Variants in CSNK1A1 observed in about 807,000 individuals in gnomAD.
The protein encoded by CSNK1A1 is casein kinase 1 alpha 1.
A neutral mutation model predicts 46.1 loss-of-function variants in CSNK1A1; 7 were observed. The ratio of observed to expected loss-of-function variants is 0.15; its 90% CI spans 0.09 to 0.29. The LOEUF (loss-of-function observed/expected upper bound fraction) is 0.29. Among genes scored for constraint, CSNK1A1 ranks in the 10% least tolerant of loss-of-function variants. The probability of loss-of-function intolerance (pLI) is 1.00; values close to 1 mark genes in which losing one functional copy is unlikely to be tolerated. For missense variants in CSNK1A1, 96 were observed against 417.1 expected (o/e 0.23, Z 6.71); for synonymous variants, 137 against 141.5 (o/e 0.97, Z 0.23).
chr5:149,511,044 C>T (rs1330053242), intron 6 of CSNK1A1, among the ~76,000 whole-genome samples: 1 of 152,132 alleles, frequency 6.6e-6, no homozygotes, highest in Non-Finnish European at 1.5e-5. Context: ...ATTTAGGACA[C>T]ACCAACAGTG....
In CSNK1A1 at chr5:149,551,334, C is replaced by G; in HGVS notation, c.-370G>C. ...TGCCGCCGGCTCCGGCCCAGAGGGA[C>G]CCCTGTCACTCCGCGGACGACGCCA... is the stretch of plus-strand genomic sequence containing the variant. On this transcript the variant is annotated 5_prime_UTR_variant, in exon 1 of 10. Coordinates refer to ENST00000377843, the MANE Select transcript of CSNK1A1 (RefSeq NM_001892.6). The G allele has an allele frequency of 4.6e-6, 1 of 216,022 alleles. No homozygotes were observed. Among genetic ancestry groups the G allele is most frequent in the South Asian group, 5.9e-5 (1 of 16,962 alleles). The allele number at this position is 216,022 out of a possible 1,614,324, so 13.4% of individuals were successfully genotyped here.
intron 2 of CSNK1A1, among the ~76,000 whole-genome samples, chr5:149,533,510 G>A (rs1451575154): frequency 6.6e-6 from 1 of 152,142 alleles, no homozygotes; most frequent in Non-Finnish European, 1.5e-5. Flanking sequence ...TTGGTATAGT[G>A]TGTAAGATCA....
intron 2 of CSNK1A1, among the ~76,000 whole-genome samples, chr5:149,540,003 C>T (rs1205988734): frequency 2.0e-5 from 3 of 152,118 alleles, no homozygotes; most frequent in Non-Finnish European, 4.4e-5. Context: ...ACCAATTATT[C>T]CCTTATTTCA....
At position 149,517,557 on chromosome 5, in the gene CSNK1A1, T is replaced by C; in HGVS notation, c.456+2733A>G. Among the ~76,000 whole-genome samples the C allele has an allele frequency of 6.6e-6, 1 of 152,192 alleles. No individual in the cohort carries two copies. The highest frequency in any genetic ancestry group is 1.9e-4 in the East Asian group (1 of 5,200). ...GTATGTTAGAGAGCTAAACATAATA[T>C]CCTATTTTCATTTAGCTTTTTTCTA... is the stretch of plus-strand genomic sequence containing the variant. On this transcript the variant is annotated intron_variant, in intron 4 of 9. Coordinates refer to ENST00000377843, the MANE Select transcript of CSNK1A1 (RefSeq NM_001892.6). The surrounding 1 kb of genome is among the most constrained non-coding windows in gnomAD (Gnocchi z 4.4).
Position 149,495,744 on chromosome 5 carries a change from T to TAAAAAAAAAAAAAAAAAAAAAAAA in CSNK1A1, c.*1108_*1109insTTTTTTTTTTTTTTTTTTTTTTTT. The TAAAAAAAAAAAAAAAAAAAAAAAA allele has an allele frequency of 1.1e-5, 1 of 92,770 alleles. No individual in the cohort carries two copies. Among genetic ancestry groups the TAAAAAAAAAAAAAAAAAAAAAAAA allele is most frequent in the Non-Finnish European group, 2.2e-5 (1 of 45,086 alleles). 5.7% of individuals were successfully genotyped at this position (92,770 alleles called of 1,614,324 possible). ...TACTAGATATTGTGCCTGCAAGTCA[T>TAAAAAAAAAAAAAAAAAAAAAAAA]AAAAAAAAAAAAAAAAAAAGAAAAA... On this transcript the variant is annotated 3_prime_UTR_variant, in exon 10 of 10. Coordinates refer to ENST00000377843, the MANE Select transcript of CSNK1A1 (RefSeq NM_001892.6).
intron 4 of CSNK1A1, among the ~76,000 whole-genome samples, chr5:149,514,073 G>C (rs1761322251): frequency 6.6e-6 from 1 of 152,074 alleles, no homozygotes; most frequent in Non-Finnish European, 1.5e-5. Flanking sequence ...TTATACAAAT[G>C]GGTCAGGTTA....
intron 6 of CSNK1A1, among the ~76,000 whole-genome samples, chr5:149,510,934 C>T (rs1454851639): frequency 6.6e-6 from 1 of 152,166 alleles, no homozygotes; most frequent in African/African-American, 2.4e-5. Context: ...TTAGATAAAG[C>T]TACCCACCCA....
In CSNK1A1 at chr5:149,517,143, T is replaced by C. The variant is rs1761427266; in HGVS notation, c.456+3147A>G. Among the ~76,000 whole-genome samples, 3 of 152,216 alleles carry C rather than the reference T, an allele frequency of 2.0e-5. No homozygotes were observed. Among genetic ancestry groups the C allele is most frequent in the Admixed American group, 2.0e-4 (3 of 15,288 alleles). On this transcript the variant is annotated intron_variant, in intron 4 of 9. Coordinates refer to ENST00000377843, the MANE Select transcript of CSNK1A1 (RefSeq NM_001892.6). The surrounding 1 kb of genome is among the most constrained non-coding windows in gnomAD (Gnocchi z 4.4). ...AAAAACTAAATTTAATATATTTCAA[T>C]GTATTACTAATGGTAATCTACCATA...
chr5:149,503,998 G>T (rs1580820175), intron 9 of CSNK1A1: 1 of 985,396 alleles, frequency 1.0e-6, no homozygotes, highest in Non-Finnish European at 1.2e-6. Flanking sequence ...ACTCTGTTTG[G>T]TCTTACCTAA....
rs1287898406 is a variant in CSNK1A1 at position 149,525,048 on chromosome 5, G to A, written c.354C>T (p.Asp118=). 1.2e-6 allele frequency: 2 copies of A among 1,609,018 alleles called. No individual in the cohort carries two copies. Among genetic ancestry groups the A allele is most frequent in the Middle Eastern group, 1.7e-4 (1 of 6,048 alleles). The change falls in exon 3 of 10, where the codon GAC becomes GAT. Residue 118 remains aspartate, a synonymous_variant. Transcript: ENST00000377843. This position sits in a 1 kb window ranked among gnomAD's most constrained non-coding sequence, Gnocchi z 4.2. ...TTCTAATCAAAATTTCACATACCTG[G>A]TCAGCTAACATAAGTACAGTTTTCA... The part of the protein sequence containing the change: ...FTMKTVLMLA[D]QMISRIEYVH...
At chr5:149,505,099 G>T in intron 9 of CSNK1A1, 1 of 1,002,926 alleles carries the variant, frequency 1.0e-6, no homozygotes. Context: ...CTAGGATTTT[G>T]GATTGATTGA....
At chr5:149,543,468 T>C (rs1176332476) in intron 2 of CSNK1A1, among the ~76,000 whole-genome samples, 1 of 152,044 alleles carries the variant, frequency 6.6e-6, no homozygotes. Context: ...TCTCGTGATC[T>C]GTGACGTACG....
chr5:149,548,248 T>C (rs1477573367), intron 2 of CSNK1A1, among the ~76,000 whole-genome samples: 1 of 151,986 alleles, frequency 6.6e-6, no homozygotes, highest in Non-Finnish European at 1.5e-5. Context: ...ATTCAAGACA[T>C]GAAAAATACA....
chr5:149,516,720 T>C (rs1306360252), intron 4 of CSNK1A1, among the ~76,000 whole-genome samples: 1 of 152,158 alleles, frequency 6.6e-6, no homozygotes, highest in Admixed American at 6.6e-5. Flanking sequence ...ATCTACTGTC[T>C]TCCCCCCACC....
intron 2 of CSNK1A1, among the ~76,000 whole-genome samples, chr5:149,548,435 T>C (rs1762547564): frequency 6.7e-6 from 1 of 150,246 alleles, no homozygotes; most frequent in Admixed American, 6.7e-5. Context: ...GGCGTAGTAG[T>C]GCAGCTCTGC....
Position 149,551,294 on chromosome 5 carries a change from TACCGCTGCCACCACTGCCGCCGGC to T in CSNK1A1, c.-354_-331del. 3.9e-6 allele frequency: 1 copy of T among 255,944 alleles called. No individual in the cohort carries two copies. The highest frequency in any genetic ancestry group is 4.5e-5 in the South Asian group (1 of 22,060). 15.9% of individuals were successfully genotyped at this position (255,944 alleles called of 1,614,324 possible). A position where few individuals can be genotyped will look rare whatever the true frequency, so the allele number is the denominator to read the frequency against. On this transcript the variant is annotated 5_prime_UTR_variant, in exon 1 of 10. Coordinates refer to ENST00000377843, the MANE Select transcript of CSNK1A1 (RefSeq NM_001892.6). ...GGGGCGCGGTGAGCTAGGGCGGCGA[TACCGCTGCCACCACTGCCGCCGGC>T]TCCGGCCCAGAGGGACCCCTGTCAC...
rs1762328795 is a variant in CSNK1A1, at chr5:149,542,661, TA to T, written c.230+7413del. 1.3e-3 allele frequency among the ~76,000 whole-genome samples: 15 copies of T among 11,454 alleles called. 1 individual carries two copies. The highest frequency in any genetic ancestry group is 1.6e-3 in the Non-Finnish European group (11 of 6,748). The allele number at this position is 11,454 out of a possible 152,430, so 7.5% of individuals were successfully genotyped here. ...ATATGTATATATATATATATATATA[TA>T]TATATATATGTATATATATATATAT... On this transcript the variant is annotated intron_variant, in intron 2 of 9. Transcript: ENST00000377843.
chr5:149,535,191 C>T (rs143410608), intron 2 of CSNK1A1, among the ~76,000 whole-genome samples: 36 of 152,282 alleles, frequency 2.4e-4, no homozygotes, highest in African/African-American at 9.6e-5. Flanking sequence ...TTCAACAGCC[C>T]ATTATCCTGA....
At chr5:149,522,308 G>A (rs887659563) in intron 3 of CSNK1A1, among the ~76,000 whole-genome samples, 29 of 151,802 alleles carry the variant, frequency 1.9e-4, no homozygotes, top group Non-Finnish European at 3.5e-4. Context: ...GGGGGGTATC[G>A]TTATGTTGCC....
Sources: gnomAD v4.1 joint callset for allele counts (sites outside exome capture counted in the v4.1 genomes callset) on GRCh38, gnomAD v4.1.1 for gene constraint, Gnocchi (gnomAD v3.1) non-coding constraint, MANE v1.5 for transcripts, NCBI Gene and HGNC (gene_info 2026-07-23, HGNC 2026-07-21) for gene names.